The following CTNNA3 variants were observed in gnomAD, a reference collection of about 807,000 sequenced individuals.
CTNNA3 encodes catenin alpha-3.
CTNNA3 carries 76 observed loss-of-function variants against 95.7 expected under a neutral mutation model. The ratio of observed to expected loss-of-function variants is 0.79; its 90% CI spans 0.66 to 0.96. CTNNA3 has a LOEUF of 0.96. CTNNA3 is among the 40% of genes least tolerant of loss of function. CTNNA3 has a pLI of 0.00. For missense variants in CTNNA3, 1,191 were observed against 1,089.8 expected (o/e 1.09, Z -1.31); for synonymous variants, 431 against 374.4 (o/e 1.15, Z -1.74).
intron 11 of CTNNA3, among the ~76,000 whole-genome samples, chr10:66,382,724 T>A (rs1449830249): frequency 6.6e-6 from 1 of 152,062 alleles, no homozygotes; most frequent in Non-Finnish European, 1.5e-5. Context: ...CCCTCTGGGA[T>A]GAAGCTTCCA....
At chr10:66,847,291 G>A (rs1843315188) in intron 7 of CTNNA3, among the ~76,000 whole-genome samples, 1 of 152,178 alleles carries the variant, frequency 6.6e-6, no homozygotes, top group African/African-American at 2.4e-5. Flanking sequence ...TTGTCTGGAA[G>A]TCTTTTCAGG....
At chr10:66,693,791 C>G (rs1489100536) in intron 9 of CTNNA3, among the ~76,000 whole-genome samples, 14 of 152,098 alleles carry the variant, frequency 9.2e-5, no homozygotes, top group East Asian at 1.9e-4. Context: ...CAAACTAGAA[C>G]TCAGGATTAA....
chr10:67,200,472 G>A (rs1281793392), intron 6 of CTNNA3, among the ~76,000 whole-genome samples: 1 of 152,142 alleles, frequency 6.6e-6, no homozygotes, highest in South Asian at 2.1e-4. Flanking sequence ...CTCTGCATCA[G>A]CACCAAAAAT....
At chr10:66,173,334 T>C (rs2085528899) in intron 13 of CTNNA3, among the ~76,000 whole-genome samples, 1 of 152,048 alleles carries the variant, frequency 6.6e-6, no homozygotes, top group African/African-American at 2.4e-5. Context: ...GAAAGTTCAA[T>C]GGAGGAGGAG....
At chr10:65,968,892 T>C (rs1214016181) in intron 16 of CTNNA3, among the ~76,000 whole-genome samples, 1 of 152,198 alleles carries the variant, frequency 6.6e-6, no homozygotes, top group African/African-American at 2.4e-5. Context: ...CCGGTGCTCA[T>C]GCCTGCCCTT....
chr10:66,327,448 C>G lies in CTNNA3; in HGVS notation c.1733-46827G>C, dbSNP rs1212604548. Among the ~76,000 whole-genome samples, 3 of 152,128 alleles carry G rather than the reference C, an allele frequency of 2.0e-5. No homozygotes were observed. The East Asian group carries it at 5.8e-4, about 29-fold the overall frequency. ...TGATCCTGAGATTGCAATTGTTTAT[C>G]ACTACCCATGCTAAAATAGATACAT... is the stretch of plus-strand genomic sequence containing the variant. On this transcript the variant is annotated intron_variant, in intron 12 of 17. Coordinates refer to ENST00000433211, the MANE Select transcript of CTNNA3 (RefSeq NM_013266.4).
chr10:67,643,978 G>A (rs534726346), intron 2 of CTNNA3, among the ~76,000 whole-genome samples: 33 of 152,232 alleles, frequency 2.2e-4, no homozygotes, highest in South Asian at 1.2e-3. Context: ...ATTGTGAATA[G>A]TGCTCCCATA....
At chr10:67,066,195 C>CTTT (rs71006118) in intron 7 of CTNNA3, among the ~76,000 whole-genome samples, 49,400 of 122,710 alleles carry the variant, frequency 0.4, 10,715 homozygotes, top group Middle Eastern at 0.52. Context: ...AAGTCACTGG[C>CTTT]TTTTTTTTTT....
chr10:66,918,058 T>C (rs1394625809), intron 7 of CTNNA3, among the ~76,000 whole-genome samples: 1 of 152,238 alleles, frequency 6.6e-6, no homozygotes, highest in Non-Finnish European at 1.5e-5. Context: ...GAATTTGTTC[T>C]GAAAGAAAAG....
chr10:66,151,544 G>A (rs553992572), intron 13 of CTNNA3, among the ~76,000 whole-genome samples: 9 of 151,938 alleles, frequency 5.9e-5, no homozygotes, highest in East Asian at 3.9e-4. Context: ...TGAGTCACAC[G>A]TGACTCATTT....
At chr10:66,298,311 G>A (rs1477280175) in intron 12 of CTNNA3, among the ~76,000 whole-genome samples, 2 of 152,096 alleles carry the variant, frequency 1.3e-5, no homozygotes, top group Non-Finnish European at 2.9e-5. Flanking sequence ...AAGTAATAAA[G>A]TTAGTAATGG....
intron 7 of CTNNA3, among the ~76,000 whole-genome samples, chr10:67,093,410 C>T (rs1157800574): frequency 1.3e-5 from 2 of 151,398 alleles, no homozygotes; most frequent in Non-Finnish European, 2.9e-5. Flanking sequence ...TCAGGAGAGA[C>T]CATGTTAATA....
At chr10:66,506,347 G>A (rs968947522) in intron 11 of CTNNA3, among the ~76,000 whole-genome samples, 1 of 152,148 alleles carries the variant, frequency 6.6e-6, no homozygotes. Context: ...GAAGCCATCT[G>A]TTGACTTTTT....
chr10:67,625,210 G>A (rs1031384824), intron 2 of CTNNA3, among the ~76,000 whole-genome samples: 5 of 152,170 alleles, frequency 3.3e-5, no homozygotes, highest in African/African-American at 9.7e-5. Context: ...TCCATAAGGG[G>A]CTTTTGTTGT....
In CTNNA3 at chr10:67,139,968, A is replaced by C. The variant is rs149799874; in HGVS notation, c.1047+40349T>G. Among the ~76,000 whole-genome samples the C allele has an allele frequency of 1.3e-4, 20 of 152,304 alleles. No individual in the cohort carries two copies. The East Asian group carries it at 3.9e-3, about 29-fold the overall frequency. On this transcript the variant is annotated intron_variant, in intron 7 of 17. Transcript: ENST00000433211. ...TATGGAATTTCTAAGCCTACATTAG[A>C]CACTTGCAACTTTGATCTGTCTATA...
chr10:66,590,002 T>A lies in CTNNA3; in HGVS notation c.1374+31690A>T, dbSNP rs116388048. ...GAGTATAAAGAAATATTGAAAGGAG[T>A]AAGATTTTTTGAAAAAAAGTTTGGT... On this transcript the variant is annotated intron_variant, in intron 10 of 17. Transcript: ENST00000433211. 5.9e-3 allele frequency among the ~76,000 whole-genome samples: 898 copies of A among 152,082 alleles called. 10 individuals carry two copies. Among genetic ancestry groups the A allele is most frequent in the African/African-American group, 0.021 (875 of 41,482 alleles).
At chr10:65,925,746 A>G (rs2077160018) in intron 17 of CTNNA3, among the ~76,000 whole-genome samples, 1 of 152,072 alleles carries the variant, frequency 6.6e-6, no homozygotes, top group Non-Finnish European at 1.5e-5. Context: ...TCTTCTTGTA[A>G]TATATCTTTA....
At chr10:66,412,697 G>C (rs2093116770) in intron 11 of CTNNA3, among the ~76,000 whole-genome samples, 2 of 152,058 alleles carry the variant, frequency 1.3e-5, no homozygotes, top group South Asian at 4.2e-4. Context: ...CCGACCTTGT[G>C]ATCTGCCCGC....
At chr10:66,381,833 T>C (rs1263507637) in intron 11 of CTNNA3, among the ~76,000 whole-genome samples, 1 of 152,194 alleles carries the variant, frequency 6.6e-6, no homozygotes, top group East Asian at 1.9e-4. Context: ...AGAAAGCATA[T>C]GTATATTATC....
Sources: allele counts gnomAD v4.1 joint callset (sites outside exome capture counted in the v4.1 genomes callset), GRCh38; gene constraint gnomAD v4.1.1; transcripts MANE v1.5; gene names NCBI Gene and HGNC (gene_info 2026-07-23, HGNC 2026-07-21).